The following PDE3A variants were observed in gnomAD, a reference collection of about 807,000 sequenced individuals.
PDE3A encodes phosphodiesterase 3A.
In PDE3A, 43 loss-of-function variants were observed where a neutral mutation model predicts 98.3. That is an observed-to-expected ratio of 0.44 (90% CI 0.34 to 0.56). The LOEUF (loss-of-function observed/expected upper bound fraction) is 0.56, where lower values mean the gene tolerates loss of function less well. Ranked by LOEUF, PDE3A falls within the 20% of genes least tolerant of loss-of-function variation. The pLI is 0.01. For synonymous variants in PDE3A, 663 were observed against 567.9 expected, an observed-to-expected ratio of 1.17 and a Z score of -2.38; for missense variants, 1,427 against 1,440.7, an observed-to-expected ratio of 0.99 and a Z score of 0.15.
At chr12:20,405,948 T>C (rs1162679654) in intron 1 of PDE3A, among the ~76,000 whole-genome samples, 1 of 152,194 alleles carries the variant, frequency 6.6e-6, no homozygotes, top group Admixed American at 6.5e-5. Flanking sequence ...TGAGTTCAAC[T>C]TTCTTAGATT....
chr12:20,477,445 G>A (rs1468805684), intron 1 of PDE3A, among the ~76,000 whole-genome samples: 1 of 152,118 alleles, frequency 6.6e-6, no homozygotes, highest in Non-Finnish European at 1.5e-5. Context: ...TTGCTGATCG[G>A]CAATAATGAA....
At chr12:20,414,337 T>C (rs945765659) in intron 1 of PDE3A, among the ~76,000 whole-genome samples, 1 of 152,120 alleles carries the variant, frequency 6.6e-6, no homozygotes, top group Non-Finnish European at 1.5e-5. Context: ...CAACCATAGA[T>C]TTCAAATCAT....
chr12:20,660,546 C>T (rs1205731440), intron 15 of PDE3A, among the ~76,000 whole-genome samples: 1 of 152,098 alleles, frequency 6.6e-6, no homozygotes, highest in Non-Finnish European at 1.5e-5. Flanking sequence ...ATCTTAAATT[C>T]CCATGTGTTG....
At chr12:20,440,534 T>C (rs977531255) in intron 1 of PDE3A, among the ~76,000 whole-genome samples, 1 of 152,196 alleles carries the variant, frequency 6.6e-6, no homozygotes, top group Non-Finnish European at 1.5e-5. Context: ...AGTGCAATTC[T>C]ATTCATATTT....
chr12:20,475,983 C>T (rs1945525545), intron 1 of PDE3A, among the ~76,000 whole-genome samples: 1 of 152,194 alleles, frequency 6.6e-6, no homozygotes. Context: ...TTAAATGCTT[C>T]AGTTTGCATT....
intron 15 of PDE3A, among the ~76,000 whole-genome samples, chr12:20,664,198 T>C (rs1196716092): frequency 6.6e-6 from 1 of 152,116 alleles, no homozygotes; most frequent in Non-Finnish European, 1.5e-5. Flanking sequence ...TAAACCTCTT[T>C]CCTTTATAAA....
chr12:20,618,448 T>C (rs924659646), intron 4 of PDE3A, among the ~76,000 whole-genome samples: 1 of 152,024 alleles, frequency 6.6e-6, no homozygotes, highest in Non-Finnish European at 1.5e-5. Flanking sequence ...ATAATAAAAA[T>C]TAGAAACACA....
At chr12:20,389,256 A>G (rs994742044) in intron 1 of PDE3A, among the ~76,000 whole-genome samples, 3 of 151,962 alleles carry the variant, frequency 2.0e-5, no homozygotes, top group South Asian at 4.1e-4. Context: ...GGGGGCAATC[A>G]GTACTGAAGT....
At chr12:20,537,476 T>C (rs1941776406) in intron 1 of PDE3A, among the ~76,000 whole-genome samples, 2 of 152,116 alleles carry the variant, frequency 1.3e-5, no homozygotes, top group Non-Finnish European at 2.9e-5. Flanking sequence ...ATGATGCATC[T>C]ACTATTATTT....
In PDE3A at chr12:20,552,091, G is replaced by A. The variant is rs1253974885; in HGVS notation, c.961-4569G>A. 2.8e-5 allele frequency: 45 copies of A among 1,612,694 alleles called. No homozygotes were observed. Among genetic ancestry groups the A allele is most frequent in the Non-Finnish European group, 3.7e-5 (44 of 1,179,904 alleles). Reference sequence around the variant, plus strand: ...GGGTAGTGGTGGTCGAGAGCTTTCCGGCAACAAGAGGACCGCGGAACAGTC... The same window carrying A: ...GGGTAGTGGTGGTCGAGAGCTTTCCAGCAACAAGAGGACCGCGGAACAGTC... On this transcript the variant is annotated intron_variant, in intron 1 of 15. Coordinates refer to ENST00000359062, the MANE Select transcript of PDE3A (RefSeq NM_000921.5). The surrounding 1 kb of genome is among the most constrained non-coding windows in gnomAD (Gnocchi z 5.1).
At chr12:20,423,379 T>G (rs1311623390) in intron 1 of PDE3A, among the ~76,000 whole-genome samples, 1 of 152,224 alleles carries the variant, frequency 6.6e-6, no homozygotes, top group Non-Finnish European at 1.5e-5. Flanking sequence ...TATGTGCTCA[T>G]ATCTGTTTTA....
At chr12:20,572,262 A>G (rs1367269054) in intron 2 of PDE3A, 1 of 373,402 alleles carries the variant, frequency 2.7e-6, no homozygotes, top group Non-Finnish European at 4.4e-6. Context: ...AAATTCATAA[A>G]GTAATCCAAA....
chr12:20,505,435 G>T (rs1181193894), intron 1 of PDE3A, among the ~76,000 whole-genome samples: 1 of 152,016 alleles, frequency 6.6e-6, no homozygotes, highest in Non-Finnish European at 1.5e-5. Flanking sequence ...GTTCTATAAA[G>T]TGTAGAGCTC....
At chr12:20,625,059 T>G (rs1944228932) in intron 5 of PDE3A, among the ~76,000 whole-genome samples, 1 of 152,186 alleles carries the variant, frequency 6.6e-6, no homozygotes, top group Non-Finnish European at 1.5e-5. Flanking sequence ...ATAAATACCC[T>G]GTTTCCAGAG....
chr12:20,410,808 A>G (rs1591901409), intron 1 of PDE3A, among the ~76,000 whole-genome samples: 2 of 152,184 alleles, frequency 1.3e-5, no homozygotes, highest in African/African-American at 4.8e-5. Context: ...GTTAAAATCT[A>G]GGGCTCAGAA....
intron 10 of PDE3A, among the ~76,000 whole-genome samples, chr12:20,644,296 T>C (rs1488554438): frequency 1.3e-5 from 2 of 152,208 alleles, no homozygotes; most frequent in Admixed American, 1.3e-4. Context: ...TTCTGTCTTG[T>C]TCTACAGCAG....
chr12:20,549,122 C>T (rs1398917536), intron 1 of PDE3A, among the ~76,000 whole-genome samples: 3 of 152,022 alleles, frequency 2.0e-5, no homozygotes, highest in Non-Finnish European at 2.9e-5. Flanking sequence ...CAGTTTATCA[C>T]ACTATGAGTA....
In PDE3A at chr12:20,556,723, T is replaced by C; in HGVS notation, c.1011+13T>C. 1.3e-6 allele frequency: 2 copies of C among 1,598,846 alleles called. No homozygotes were observed. Among genetic ancestry groups the C allele is most frequent in the Non-Finnish European group, 1.7e-6 (2 of 1,166,298 alleles). On this transcript the variant is annotated intron_variant, in intron 2 of 15. Coordinates refer to ENST00000359062, the MANE Select transcript of PDE3A (RefSeq NM_000921.5). ...AAGAGGATCACAGGTAAGTTTCTTTTCCTTTTCTTTTTCACGTTTCGTTTC... is the reference window on the plus strand; with the variant it reads ...AAGAGGATCACAGGTAAGTTTCTTTCCCTTTTCTTTTTCACGTTTCGTTTC...
At chr12:20,665,254 T>C (rs1002009840) in intron 15 of PDE3A, among the ~76,000 whole-genome samples, 1 of 152,228 alleles carries the variant, frequency 6.6e-6, no homozygotes, top group Non-Finnish European at 1.5e-5. Flanking sequence ...GACAACATTT[T>C]GGTACATATC....
Sources: allele counts gnomAD v4.1 joint callset (sites outside exome capture counted in the v4.1 genomes callset), GRCh38; gene constraint gnomAD v4.1.1; non-coding constraint Gnocchi (gnomAD v3.1); transcripts MANE v1.5; gene names NCBI Gene and HGNC (gene_info 2026-07-23, HGNC 2026-07-21).